The following MAGT1 variants were observed in gnomAD, a reference collection of about 807,000 sequenced individuals.
The protein encoded by MAGT1 is dolichyl-diphosphooligosaccharide--protein glycosyltransferase subunit MAGT1.
In MAGT1, 4 loss-of-function variants were observed where a neutral mutation model predicts 28.4. That is an observed-to-expected ratio of 0.14 (90% CI 0.07 to 0.32). The LOEUF is 0.32. Among genes scored for constraint, MAGT1 ranks in the 10% least tolerant of loss-of-function variants. The probability of loss-of-function intolerance (pLI) is 1.00; values close to 1 mark genes in which losing one functional copy is unlikely to be tolerated. For missense variants in MAGT1, 193 were observed against 264.5 expected (o/e 0.73, Z 1.88); for synonymous variants, 89 against 89.7 (o/e 0.99, Z 0.04).
At chrX:77,889,854 C>T (rs902724853) in intron 1 of MAGT1, among the ~76,000 whole-genome samples, 1 of 111,676 alleles carries the variant, frequency 9.0e-6, no homozygotes, top group Non-Finnish European at 1.9e-5. Context: ...ATAGTCACTC[C>T]GTTGTGCTAT....
At chrX:77,893,125 C>A (rs2077088393) in intron 1 of MAGT1, among the ~76,000 whole-genome samples, 1 of 111,827 alleles carries the variant, frequency 8.9e-6, no homozygotes, top group South Asian at 3.7e-4. Flanking sequence ...GCACAGCATG[C>A]AGCCTGTGTA....
intron 1 of MAGT1, among the ~76,000 whole-genome samples, chrX:77,883,676 G>A (rs944257245): frequency 6.8e-5 from 7 of 102,286 alleles, no homozygotes; most frequent in Non-Finnish European, 1.4e-4. Context: ...CTCCCACCTC[G>A]GCTTCCTGAA....
At position 77,834,808 on chromosome X, in the gene MAGT1, C is replaced by T. The variant is rs1023433759; in HGVS notation, c.902-3913G>A. On this transcript the variant is annotated intron_variant, in intron 8 of 9. Coordinates refer to ENST00000618282, the MANE Select transcript of MAGT1 (RefSeq NM_001367916.1). ...AAAAGCTTCTGCAGAGCAAAGGATA[C>T]AATCAACAAAGTGAGGAGTCAATCC... is the stretch of plus-strand genomic sequence containing the variant. Among the ~76,000 whole-genome samples, 4 of 110,360 alleles carry T rather than the reference C, an allele frequency of 3.6e-5. No homozygotes were observed. The Admixed American group carries it at 3.9e-4, about 11-fold the overall frequency.
At chrX:77,892,806 T>C (rs1238955374) in intron 1 of MAGT1, among the ~76,000 whole-genome samples, 1 of 110,888 alleles carries the variant, frequency 9.0e-6, no homozygotes, top group Non-Finnish European at 1.9e-5. Context: ...GAAAAAAAAT[T>C]TTTTTAAATA....
chrX:77,873,605 T>C (rs934852416), intron 2 of MAGT1, among the ~76,000 whole-genome samples: 1 of 111,774 alleles, frequency 8.9e-6, no homozygotes, highest in Non-Finnish European at 1.9e-5. Flanking sequence ...CAAGAAACCA[T>C]TGTTTGATGA....
intron 7 of MAGT1, among the ~76,000 whole-genome samples, chrX:77,850,971 CTTTTTTTTT>C (rs1309914869): frequency 2.0e-5 from 2 of 99,725 alleles, no homozygotes; most frequent in Non-Finnish European, 4.1e-5. Flanking sequence ...CTTTTCTGTT[CTTTTTTTTT>C]TTTTTTCTTT....
chrX:77,871,885 A>G lies in MAGT1; in HGVS notation c.273-960T>C, dbSNP rs782114015. 1.8e-4 allele frequency among the ~76,000 whole-genome samples: 20 copies of G among 110,875 alleles called. 1 individual carries two copies. Among genetic ancestry groups the G allele is most frequent in the African/African-American group, 5.9e-4 (18 of 30,597 alleles). ...CCTCAAGTCATCTTTGAATTTTTCC[A>G]TATCTCCCATATGCTTTCAGTTCTC... On this transcript the variant is annotated intron_variant, in intron 2 of 9. Coordinates refer to ENST00000618282, the MANE Select transcript of MAGT1 (RefSeq NM_001367916.1).
intron 6 of MAGT1, among the ~76,000 whole-genome samples, chrX:77,854,775 T>C (rs1409252260): frequency 6.3e-5 from 7 of 111,078 alleles, no homozygotes; most frequent in Non-Finnish European, 1.9e-5. Flanking sequence ...ACACTGCACC[T>C]GGGTGAGAAA....
intron 1 of MAGT1, among the ~76,000 whole-genome samples, chrX:77,877,091 T>A (rs1419216389): frequency 9.3e-6 from 1 of 107,244 alleles, no homozygotes; most frequent in Non-Finnish European, 1.9e-5. Flanking sequence ...AAAACTTTTA[T>A]GAAAATAAAT....
At chrX:77,849,895 C>CAA (rs1247445316) in intron 7 of MAGT1, among the ~76,000 whole-genome samples, 13 of 50,812 alleles carry the variant, frequency 2.6e-4, no homozygotes, top group Non-Finnish European at 3.8e-4. Flanking sequence ...AACAAAAAAC[C>CAA]AAAAAAAAAA....
intron 7 of MAGT1, among the ~76,000 whole-genome samples, chrX:77,847,563 C>T (rs1049007853): frequency 1.1e-4 from 12 of 111,101 alleles, no homozygotes; most frequent in African/African-American, 3.6e-4. Flanking sequence ...TCCTATTAGG[C>T]CATCTTGGCT....
At chrX:77,883,553 C>CTTTT (rs1166624171) in intron 1 of MAGT1, among the ~76,000 whole-genome samples, 27 of 61,658 alleles carry the variant, frequency 4.4e-4, no homozygotes, top group East Asian at 1.1e-3. Context: ...AATTCATTTT[C>CTTTT]TTTTTTTTTT....
chrX:77,860,218 G>A (rs2076991370), intron 3 of MAGT1, among the ~76,000 whole-genome samples: 1 of 110,814 alleles, frequency 9.0e-6, no homozygotes, highest in Non-Finnish European at 1.9e-5. Flanking sequence ...CAAGTAGCTG[G>A]GATAACAGGG....
chrX:77,845,581 GTTCCT>G (rs1313889853), intron 7 of MAGT1, among the ~76,000 whole-genome samples: 1 of 111,851 alleles, frequency 8.9e-6, no homozygotes, highest in African/African-American at 3.2e-5. Flanking sequence ...GGTGCCGGTT[GTTCCT>G]TTCCATGTTT....
chrX:77,876,164 A>ATATTTT (rs1557217807), intron 1 of MAGT1, among the ~76,000 whole-genome samples: 1 of 24,973 alleles, frequency 4.0e-5, no homozygotes, highest in African/African-American at 1.5e-4. Flanking sequence ...ATATATATAT[A>ATATTTT]TTTTTTTTTT....
intron 1 of MAGT1, among the ~76,000 whole-genome samples, chrX:77,886,133 T>C (rs1167273079): frequency 8.9e-6 from 1 of 111,798 alleles, no homozygotes; most frequent in Non-Finnish European, 1.9e-5. Flanking sequence ...CAAGAACAAC[T>C]GTTTTGAACT....
intron 1 of MAGT1, among the ~76,000 whole-genome samples, chrX:77,880,652 C>T (rs1365318237): frequency 1.8e-5 from 2 of 110,070 alleles, no homozygotes; most frequent in African/African-American, 3.3e-5. Flanking sequence ...AAGATATACA[C>T]TCTTGAAAGA....
At chrX:77,894,881 T>G (rs1333436489) in intron 1 of MAGT1, among the ~76,000 whole-genome samples, 1 of 111,985 alleles carries the variant, frequency 8.9e-6, no homozygotes, top group East Asian at 2.8e-4. Context: ...CACTCTTTGG[T>G]CTAACTCTCA....
At chrX:77,835,284 A>C (rs188024717) in intron 8 of MAGT1, among the ~76,000 whole-genome samples, 8 of 111,737 alleles carry the variant, frequency 7.2e-5, no homozygotes, top group Non-Finnish European at 1.1e-4. Flanking sequence ...GACGTTTCTC[A>C]AAAGAAGACA....
Sources: allele counts gnomAD v4.1 joint callset (sites outside exome capture counted in the v4.1 genomes callset), GRCh38; gene constraint gnomAD v4.1.1; transcripts MANE v1.5; gene names NCBI Gene and HGNC (gene_info 2026-07-23, HGNC 2026-07-21).